The following LAMA2 variants were observed in gnomAD, a reference collection of about 807,000 sequenced individuals.
LAMA2 encodes the protein laminin subunit alpha 2.
Under a neutral mutation model 364.8 loss-of-function variants are expected in LAMA2, and 269 were observed. The observed-to-expected ratio is 0.74, with a 90% CI of 0.67 to 0.82. The LOEUF (loss-of-function observed/expected upper bound fraction) is 0.82, where lower values mean the gene tolerates loss of function less well. LAMA2 is among the 40% of genes least tolerant of loss of function. LAMA2 has a pLI of 0.00. For missense variants in LAMA2, 3,807 were observed against 3,873.2 expected (o/e 0.98, Z 0.45); for synonymous variants, 1,379 against 1,370.6 (o/e 1.01, Z -0.14).
At position 129,098,224 on chromosome 6, in the gene LAMA2, G is replaced by A; in HGVS notation, c.448G>A (p.Gly150Arg). 2 of 1,614,096 alleles carry A rather than the reference G, an allele frequency of 1.2e-6. No individual in the cohort carries two copies. Among genetic ancestry groups the A allele is most frequent in the Non-Finnish European group, 1.7e-6 (2 of 1,179,982 alleles). Residue 150 changes from glycine (G) to arginine (R), a missense_variant, in exon 4 of 65, where the codon GGA becomes AGA. This residue lies in a region of LAMA2 where 394 missense variants were observed against 403.5 expected (regional missense o/e 0.98). Coordinates refer to ENST00000421865, the MANE Select transcript of LAMA2 (RefSeq NM_000426.4). ...GAAGGCAGCTAACTCCCCCCGGCCTGGAAACTGGATTTTGGAACGCTCTCT... is the reference window on the plus strand; with the variant it reads ...GAAGGCAGCTAACTCCCCCCGGCCTAGAAACTGGATTTTGGAACGCTCTCT... ...IVKAANSPRP[G>R]NWILERSLDD...
At chr6:129,062,326 T>C (rs533104474) in intron 3 of LAMA2, among the ~76,000 whole-genome samples, 8 of 152,286 alleles carry the variant, frequency 5.3e-5, no homozygotes, top group African/African-American at 1.9e-4. Flanking sequence ...CTAAAGCTTA[T>C]TATGGGCAGG....
intron 49 of LAMA2, 21 bp from the exon 50 acceptor site, chr6:129,464,269 G>A (rs1272879264): frequency 6.2e-7 from 1 of 1,601,366 alleles, no homozygotes; most frequent in South Asian, 1.1e-5. Context: ...TCTGATTCAT[G>A]TGAAATGTCT....
intron 61 of LAMA2, among the ~76,000 whole-genome samples, chr6:129,506,008 T>C (rs1313532162): frequency 1.3e-5 from 2 of 152,264 alleles, no homozygotes; most frequent in Middle Eastern, 3.4e-3. Flanking sequence ...AACAGGGTAA[T>C]GATAATACTA....
intron 40 of LAMA2, among the ~76,000 whole-genome samples, chr6:129,427,434 C>T (rs1300800072): frequency 1.3e-5 from 2 of 152,178 alleles, no homozygotes; most frequent in Non-Finnish European, 2.9e-5. Flanking sequence ...TTCTGCATCT[C>T]TTAATTTCCA....
chr6:129,213,848 T>C (rs1165012132), intron 12 of LAMA2, among the ~76,000 whole-genome samples: 1 of 152,202 alleles, frequency 6.6e-6, no homozygotes, highest in South Asian at 2.1e-4. Flanking sequence ...GAGAAGATGA[T>C]TTTTAATTTT....
At chr6:128,947,776 A>G (rs904766153) in intron 1 of LAMA2, among the ~76,000 whole-genome samples, 4 of 152,150 alleles carry the variant, frequency 2.6e-5, no homozygotes, top group African/African-American at 7.2e-5. Context: ...ATTGTGGGAC[A>G]TAGAGGGAGA....
At chr6:129,197,055 A>C (rs1379084438) in intron 12 of LAMA2, among the ~76,000 whole-genome samples, 1 of 152,178 alleles carries the variant, frequency 6.6e-6, no homozygotes, top group South Asian at 2.1e-4. Flanking sequence ...TTTAAAACTG[A>C]CTAGACAGAC....
intron 9 of LAMA2, among the ~76,000 whole-genome samples, chr6:129,167,611 G>A (rs567865535): frequency 1.8e-4 from 27 of 152,060 alleles, no homozygotes; most frequent in East Asian, 1.2e-3. Flanking sequence ...GGATAATGCC[G>A]CAATAAACAT....
At chr6:129,329,454 C>T (rs539470448) in intron 29 of LAMA2, among the ~76,000 whole-genome samples, 7 of 152,232 alleles carry the variant, frequency 4.6e-5, no homozygotes, top group Admixed American at 3.9e-4. Context: ...CTCCGACTCC[C>T]GGGTTCAAGT....
rs1345095880 is a variant in LAMA2 at position 129,261,231 on chromosome 6, T to G, written c.2208+409T>G. On this transcript the variant is annotated intron_variant, in intron 15 of 64. Transcript: ENST00000421865. Reference sequence around the variant, plus strand: ...ATTCTGTATCACACTTTTCCTCTACTTCATTTCTAAGAATACAACCAAATC... The same window carrying G: ...ATTCTGTATCACACTTTTCCTCTACGTCATTTCTAAGAATACAACCAAATC... Among the ~76,000 whole-genome samples, 32 of 152,038 alleles carry G rather than the reference T, an allele frequency of 2.1e-4. 1 individual carries two copies. The highest frequency in any genetic ancestry group is 2.1e-3 in the Admixed American group (32 of 15,230).
At chr6:129,229,408 T>G (rs1347614564) in intron 12 of LAMA2, among the ~76,000 whole-genome samples, 2 of 152,022 alleles carry the variant, frequency 1.3e-5, no homozygotes, top group South Asian at 2.1e-4. Flanking sequence ...TCAAAGACCC[T>G]CAAGGATGGG....
At chr6:129,074,018 G>A (rs570557809) in intron 3 of LAMA2, among the ~76,000 whole-genome samples, 3 of 152,254 alleles carry the variant, frequency 2.0e-5, no homozygotes, top group African/African-American at 7.2e-5. Flanking sequence ...GCTTCAGTCA[G>A]CAACTCAAAT....
At position 129,313,028 on chromosome 6, in the gene LAMA2, T is replaced by G. The variant is rs1774329656; in HGVS notation, c.3342T>G (p.Asp1114Glu). Residue 1114 changes from aspartate to glutamate, a missense_variant, in exon 23 of 65, where the codon GAT (aspartate) becomes GAG (glutamate). By Grantham distance (45) the Asp-to-Glu change is conservative. This residue lies in a region of LAMA2 where 3,333 missense variants were observed against 3,345.7 expected (regional missense o/e 1.00). Transcript: ENST00000421865. ...GTGACTGCTTCCTCCCTGGGACAGATGCCACAACCTGTGATTCAGAGACTA... is the reference window on the plus strand; with the variant it reads ...GTGACTGCTTCCTCCCTGGGACAGAGGCCACAACCTGTGATTCAGAGACTA... ...NLCDCFLPGT[D>E]ATTCDSETKK... 1 of 1,614,034 alleles carries G rather than the reference T, an allele frequency of 6.2e-7. No individual in the cohort carries two copies. The highest frequency in any genetic ancestry group is 1.3e-5 in the African/African-American group (1 of 74,934).
intron 1 of LAMA2, among the ~76,000 whole-genome samples, chr6:128,990,791 T>C (rs952939905): frequency 1.7e-4 from 26 of 152,170 alleles, no homozygotes; most frequent in Admixed American, 5.9e-4. Flanking sequence ...ACAAATGAAC[T>C]AAAAATGTTT....
Position 129,252,313 on chromosome 6 carries a change from A to G in LAMA2, c.2096+18A>G, listed in dbSNP as rs1786317836. ...ATCTTCAGGTAAAATCAAGAACTGC[A>G]GCTCCAACGTTCACACATTTACTTT... On this transcript the variant is annotated intron_variant, in intron 14 of 64. Coordinates refer to ENST00000421865, the MANE Select transcript of LAMA2 (RefSeq NM_000426.4). The G allele has an allele frequency of 3.2e-6, 5 of 1,583,822 alleles. No individual in the cohort carries two copies. The South Asian group carries it at 3.3e-5, about 11-fold the overall frequency.
intron 32 of LAMA2, among the ~76,000 whole-genome samples, chr6:129,359,676 G>A (rs9492307): frequency 0.01 from 1,346 of 130,360 alleles, 21 homozygotes; most frequent in African/African-American, 0.038. Flanking sequence ...TGTTAAAAAT[G>A]TGTATTTACT....
chr6:129,232,866 A>G (rs1376389647), intron 12 of LAMA2, among the ~76,000 whole-genome samples: 1 of 152,174 alleles, frequency 6.6e-6, no homozygotes, highest in Admixed American at 6.6e-5. Flanking sequence ...AAGAAGAGGA[A>G]GGAGAAGTTT....
intron 12 of LAMA2, among the ~76,000 whole-genome samples, chr6:129,223,054 A>G (rs980643989): frequency 6.6e-6 from 1 of 152,162 alleles, no homozygotes; most frequent in Non-Finnish European, 1.5e-5. Context: ...GTAGGATGGT[A>G]TCTCATTGTG....
At chr6:129,206,106 G>GAGGAAGGA (rs71028149) in intron 12 of LAMA2, among the ~76,000 whole-genome samples, 2,777 of 94,496 alleles carry the variant, frequency 0.029, 74 homozygotes, top group Non-Finnish European at 0.038. Context: ...GGGAGGGAGG[G>GAGGAAGGA]AGGAAGGAAG....
Sources: allele counts gnomAD v4.1 joint callset (sites outside exome capture counted in the v4.1 genomes callset), GRCh38; gene constraint gnomAD v4.1.1; regional missense constraint gnomAD v4.1.1; transcripts MANE v1.5; gene names NCBI Gene and HGNC (gene_info 2026-07-23, HGNC 2026-07-21).